NRXN3: variants seen among roughly 807,000 people sequenced by gnomAD.
NRXN3 encodes the protein neurexin III.
A neutral mutation model predicts 137.6 loss-of-function variants in NRXN3; 32 were observed. The ratio of observed to expected loss-of-function variants is 0.23; its 90% CI spans 0.18 to 0.31. The LOEUF is 0.31. Among genes scored for constraint, NRXN3 ranks in the 10% least tolerant of loss-of-function variants. The pLI is 1.00. For missense variants in NRXN3, 1,574 were observed against 2,062.5 expected (o/e 0.76, Z 4.59); for synonymous variants, 798 against 784.5 (o/e 1.02, Z -0.29).
At chr14:78,178,817 A>T (rs2153346257) in intron 1 of NRXN3, among the ~76,000 whole-genome samples, 1 of 152,194 alleles carries the variant, frequency 6.6e-6, no homozygotes, top group Admixed American at 6.5e-5. Flanking sequence ...GAATCCAGGG[A>T]CTCTGCACCA....
intron 2 of NRXN3, among the ~76,000 whole-genome samples, chr14:78,264,875 G>A (rs900551246): frequency 6.6e-6 from 1 of 152,162 alleles, no homozygotes; most frequent in Non-Finnish European, 1.5e-5. Flanking sequence ...TGTTGCGGGG[G>A]CTTCCCTCTC....
chr14:79,160,896 T>G (rs2060707835), intron 15 of NRXN3, among the ~76,000 whole-genome samples: 1 of 152,022 alleles, frequency 6.6e-6, no homozygotes, highest in East Asian at 1.9e-4. Context: ...CAGAGATAAT[T>G]AATTATTTGC....
At chr14:78,223,057 G>C (rs189185973) in intron 1 of NRXN3, among the ~76,000 whole-genome samples, 3 of 152,340 alleles carry the variant, frequency 2.0e-5, no homozygotes, top group Admixed American at 2.0e-4. Context: ...TAATCAGGAT[G>C]ACTAGGCATT....
At chr14:79,790,089 A>G (rs2099140496) in intron 19 of NRXN3, among the ~76,000 whole-genome samples, 1 of 152,150 alleles carries the variant, frequency 6.6e-6, no homozygotes, top group Non-Finnish European at 1.5e-5. Flanking sequence ...ATTGTCCCTT[A>G]TGTGTTAGTC....
chr14:79,108,625 A>C lies in NRXN3; in HGVS notation c.3262+120484A>C, dbSNP rs540781942. 3.3e-5 allele frequency among the ~76,000 whole-genome samples: 5 copies of C among 152,312 alleles called. No individual in the cohort carries two copies. The South Asian group carries it at 1.0e-3, about 32-fold the overall frequency. ...TGGCACTCTTAAACTGTCCACATCCATGGTAATCACAGTTCAATACAGCAT... is the reference window on the plus strand; with the variant it reads ...TGGCACTCTTAAACTGTCCACATCCCTGGTAATCACAGTTCAATACAGCAT... On this transcript the variant is annotated intron_variant, in intron 15 of 20. Coordinates refer to ENST00000335750, the MANE Select transcript of NRXN3 (RefSeq NM_001330195.2).
At position 78,560,785 on chromosome 14, in the gene NRXN3, C is replaced by T. The variant is rs530097501; in HGVS notation, c.758-84335C>T. 2.2e-4 allele frequency among the ~76,000 whole-genome samples: 34 copies of T among 152,200 alleles called. 1 individual carries two copies. Among genetic ancestry groups the T allele is most frequent in the Non-Finnish European group, 4.4e-5 (3 of 68,040 alleles). ...AAGATAACTTCATAGAGGAAATTCC[C>T]TACCGCTTTTGGCTTTAAAGGATAA... On this transcript the variant is annotated intron_variant, in intron 4 of 20. Transcript: ENST00000335750.
intron 10 of NRXN3, among the ~76,000 whole-genome samples, chr14:78,843,314 G>A (rs530134763): frequency 6.6e-6 from 1 of 152,002 alleles, no homozygotes; most frequent in South Asian, 2.1e-4. Flanking sequence ...ATCTGTTTGG[G>A]TTATTGTCCC....
chr14:79,807,874 C>T lies in NRXN3; in HGVS notation c.4093+2684C>T, dbSNP rs138496626. 1.6e-3 allele frequency among the ~76,000 whole-genome samples: 244 copies of T among 152,110 alleles called. 2 individuals carry two copies. Among genetic ancestry groups the T allele is most frequent in the African/African-American group, 3.5e-3 (147 of 41,484 alleles). ...AGTGATTTGGATATACAGGGAAATA[C>T]GTCAGTGGTATATTTAATACAAGAA... On this transcript the variant is annotated intron_variant, in intron 20 of 20. Transcript: ENST00000335750.
At chr14:78,336,346 C>A (rs542698371) in intron 4 of NRXN3, among the ~76,000 whole-genome samples, 1 of 152,264 alleles carries the variant, frequency 6.6e-6, no homozygotes, top group South Asian at 2.1e-4. Context: ...TGACTCGAAG[C>A]TGTGCCTCTC....
At chr14:78,481,820 T>G (rs1330199970) in intron 4 of NRXN3, among the ~76,000 whole-genome samples, 1 of 152,198 alleles carries the variant, frequency 6.6e-6, no homozygotes, top group Non-Finnish European at 1.5e-5. Flanking sequence ...TCATCTGGCA[T>G]TTTGCTTATC....
chr14:79,807,525 C>T (rs1603553736), intron 20 of NRXN3, among the ~76,000 whole-genome samples: 1 of 152,152 alleles, frequency 6.6e-6, no homozygotes, highest in South Asian at 2.1e-4. Context: ...CCTGAATGGC[C>T]CCAAACTAAA....
chr14:78,263,049 A>AAT (rs200604484), intron 2 of NRXN3, among the ~76,000 whole-genome samples: 5,191 of 38,512 alleles, frequency 0.13, 265 homozygotes, highest in African/African-American at 0.38. Flanking sequence ...TGGTGAAGTC[A>AAT]CTTTTTTTTT....
At chr14:78,488,450 A>G (rs908229365) in intron 4 of NRXN3, among the ~76,000 whole-genome samples, 2 of 152,244 alleles carry the variant, frequency 1.3e-5, no homozygotes, top group African/African-American at 4.8e-5. Flanking sequence ...ATTTAGGTAT[A>G]GTCGTAACAT....
At chr14:78,580,596 AG>A (rs1600792148) in intron 4 of NRXN3, among the ~76,000 whole-genome samples, 1 of 152,158 alleles carries the variant, frequency 6.6e-6, no homozygotes, top group Non-Finnish European at 1.5e-5. Context: ...TCTCAATTTA[AG>A]GTAGGTCAGG....
intron 15 of NRXN3, among the ~76,000 whole-genome samples, chr14:79,369,065 G>A (rs539768770): frequency 4.6e-5 from 7 of 152,134 alleles, no homozygotes; most frequent in South Asian, 2.1e-4. Flanking sequence ...CAAAAACTAC[G>A]TGCAAACAGA....
chr14:79,774,274 A>G (rs185500616), intron 19 of NRXN3, among the ~76,000 whole-genome samples: 208 of 152,250 alleles, frequency 1.4e-3, no homozygotes, highest in Non-Finnish European at 2.2e-3. Flanking sequence ...CTGAAGTGAC[A>G]ATGGTATATT....
chr14:79,836,589 T>C (rs1359412149), intron 20 of NRXN3, among the ~76,000 whole-genome samples: 3 of 152,210 alleles, frequency 2.0e-5, no homozygotes, highest in Admixed American at 6.6e-5. Context: ...GAGAAAGAGC[T>C]GCTTACAGCT....
At chr14:78,594,762 G>A (rs1566841601) in intron 4 of NRXN3, among the ~76,000 whole-genome samples, 1 of 152,098 alleles carries the variant, frequency 6.6e-6, no homozygotes, top group Non-Finnish European at 1.5e-5. Flanking sequence ...TAAGACTCCT[G>A]TTCCAGGAGA....
chr14:78,345,029 T>C (rs2082555489), intron 4 of NRXN3, among the ~76,000 whole-genome samples: 1 of 152,086 alleles, frequency 6.6e-6, no homozygotes, highest in South Asian at 2.1e-4. Flanking sequence ...TGGGAGGGTA[T>C]GAATCAGGTA....
Sources: gnomAD v4.1 joint callset for allele counts (sites outside exome capture counted in the v4.1 genomes callset) on GRCh38, gnomAD v4.1.1 for gene constraint, MANE v1.5 for transcripts, NCBI Gene and HGNC (gene_info 2026-07-23, HGNC 2026-07-21) for gene names.